The following PPP3CA variants were observed in gnomAD, a reference collection of about 807,000 sequenced individuals.
PPP3CA encodes the protein protein phosphatase 3 catalytic subunit alpha.
In PPP3CA, 14 loss-of-function variants were observed where a neutral mutation model predicts 66.5. That is an observed-to-expected ratio of 0.21 (90% CI 0.14 to 0.33). The LOEUF (loss-of-function observed/expected upper bound fraction) is 0.33. Among genes scored for constraint, PPP3CA ranks in the 10% least tolerant of loss-of-function variants. The pLI is 1.00. For missense variants in PPP3CA, 317 were observed against 639.5 expected, an observed-to-expected ratio of 0.50 and a Z score of 5.44; for synonymous variants, 232 against 226.2, an observed-to-expected ratio of 1.03 and a Z score of -0.23.
intron 2 of PPP3CA, chr4:101,171,361 A>AC (rs2110315527): frequency 5.6e-6 from 2 of 356,492 alleles, no homozygotes; most frequent in East Asian, 7.4e-5. Context: ...AAAAAAAAAA[A>AC]AAAACCCTTC....
At chr4:101,249,731 G>T (rs915183740) in intron 1 of PPP3CA, among the ~76,000 whole-genome samples, 1 of 151,972 alleles carries the variant, frequency 6.6e-6, no homozygotes, top group Non-Finnish European at 1.5e-5. Flanking sequence ...CTTAATATAG[G>T]ACAGAAACCA....
At chr4:101,265,699 C>T (rs1352037719) in intron 1 of PPP3CA, among the ~76,000 whole-genome samples, 1 of 151,972 alleles carries the variant, frequency 6.6e-6, no homozygotes, top group Middle Eastern at 3.2e-3. Context: ...CAAATGATAA[C>T]CCAAATAAAA....
At chr4:101,274,576 C>CATGAG (rs1309804931) in intron 1 of PPP3CA, among the ~76,000 whole-genome samples, 2 of 152,324 alleles carry the variant, frequency 1.3e-5, no homozygotes, top group East Asian at 3.9e-4. Context: ...TCTTATTCAA[C>CATGAG]ATGAGATTCT....
chr4:101,149,376 T>G (rs1014453323), intron 2 of PPP3CA, among the ~76,000 whole-genome samples: 1 of 152,058 alleles, frequency 6.6e-6, no homozygotes, highest in African/African-American at 2.4e-5. Context: ...AATCAGAAAA[T>G]AACAAAAGAA....
At chr4:101,327,635 T>C (rs1441432) in intron 1 of PPP3CA, among the ~76,000 whole-genome samples, 168 of 152,318 alleles carry the variant, frequency 1.1e-3, no homozygotes, top group Non-Finnish European at 1.9e-3. Flanking sequence ...TTACCTGATA[T>C]TTTTTCTATA....
chr4:101,302,069 ATTATGTATACTTT>A (rs1231752541), intron 1 of PPP3CA, among the ~76,000 whole-genome samples: 1 of 152,124 alleles, frequency 6.6e-6, no homozygotes, highest in Non-Finnish European at 1.5e-5. Flanking sequence ...ACTGATAGAG[ATTATGTATACTTT>A]TAAATATTTA....
intron 1 of PPP3CA, among the ~76,000 whole-genome samples, chr4:101,317,296 A>T (rs956464954): frequency 9.9e-5 from 15 of 151,456 alleles, no homozygotes; most frequent in Non-Finnish European, 1.3e-4. Flanking sequence ...ACTCACACAC[A>T]CTGCCCTAAA....
Position 101,278,761 on chromosome 4 carries a change from T to A in PPP3CA, c.58+67978A>T, listed in dbSNP as rs1481338145. Among the ~76,000 whole-genome samples the A allele has an allele frequency of 2.0e-5, 3 of 152,060 alleles. No homozygotes were observed. The East Asian group carries it at 5.8e-4, about 29-fold the overall frequency. On this transcript the variant is annotated intron_variant, in intron 1 of 13. Transcript: ENST00000394854. ...ATAAATTAGAAGTTCACCCTGGTCA[T>A]AAGCACCCCTTCATTCTACACATTC...
At chr4:101,087,720 A>G (rs1434236724) in intron 6 of PPP3CA, among the ~76,000 whole-genome samples, 1 of 152,086 alleles carries the variant, frequency 6.6e-6, no homozygotes, top group Non-Finnish European at 1.5e-5. Context: ...TACTAAATGG[A>G]TATCCGAGTT....
chr4:101,288,857 C>T (rs192474293), intron 1 of PPP3CA, among the ~76,000 whole-genome samples: 1 of 152,208 alleles, frequency 6.6e-6, no homozygotes, highest in Non-Finnish European at 1.5e-5. Flanking sequence ...AAAACACACA[C>T]ACACATATAC....
Position 101,190,757 on chromosome 4 carries a change from C to T in PPP3CA, c.259+5159G>A, listed in dbSNP as rs376178224. 1.4e-4 allele frequency among the ~76,000 whole-genome samples: 22 copies of T among 152,178 alleles called. No individual in the cohort carries two copies. The East Asian group carries it at 4.2e-3, about 29-fold the overall frequency. ...AAAACTACACACATAAACTCTATGT[C>T]CCAAATATGCCAAGCATTCTGTTTC... On this transcript the variant is annotated intron_variant, in intron 2 of 13. Transcript: ENST00000394854.
At chr4:101,279,572 C>T (rs1001658970) in intron 1 of PPP3CA, among the ~76,000 whole-genome samples, 8 of 152,138 alleles carry the variant, frequency 5.3e-5, no homozygotes, top group East Asian at 1.9e-4. Flanking sequence ...TATATAACTG[C>T]GTATTTTGTA....
chr4:101,161,204 G>T (rs1376371679), intron 2 of PPP3CA, among the ~76,000 whole-genome samples: 1 of 152,112 alleles, frequency 6.6e-6, no homozygotes, highest in Non-Finnish European at 1.5e-5. Context: ...AATAGACCCT[G>T]TATCAGCTAT....
chr4:101,185,986 CT>C (rs1328107797), intron 2 of PPP3CA, among the ~76,000 whole-genome samples: 1 of 152,110 alleles, frequency 6.6e-6, no homozygotes, highest in East Asian at 1.9e-4. Context: ...ATATTAGCTC[CT>C]ATCTAAAAAT....
At chr4:101,108,644 T>G (rs1266249094) in intron 3 of PPP3CA, among the ~76,000 whole-genome samples, 1 of 152,044 alleles carries the variant, frequency 6.6e-6, no homozygotes, top group East Asian at 1.9e-4. Flanking sequence ...TGGGCGCGTG[T>G]AATCCCAGCT....
chr4:101,105,621 T>C (rs1730631463), intron 3 of PPP3CA, among the ~76,000 whole-genome samples: 1 of 151,418 alleles, frequency 6.6e-6, no homozygotes, highest in African/African-American at 2.4e-5. Context: ...AACAATAAGA[T>C]TAAAGAATAT....
chr4:101,150,097 AAT>A (rs1166447128), intron 2 of PPP3CA, among the ~76,000 whole-genome samples: 2 of 152,178 alleles, frequency 1.3e-5, no homozygotes, highest in Non-Finnish European at 2.9e-5. Flanking sequence ...GTAGAATGAT[AAT>A]ATACATACTT....
intron 7 of PPP3CA, 33 bp downstream of exon 7, chr4:101,083,153 G>A (rs1283058542): frequency 7.2e-7 from 1 of 1,396,066 alleles, no homozygotes. Flanking sequence ...AATGGACAAT[G>A]CATGGTTTTT....
intron 12 of PPP3CA, 101 bp downstream of exon 12, chr4:101,032,166 G>A (rs1246243256): frequency 3.3e-6 from 3 of 918,358 alleles, no homozygotes; most frequent in Non-Finnish European, 4.6e-6. Flanking sequence ...AAGAAGAACC[G>A]AAGACCAAGA....
Sources: allele counts gnomAD v4.1 joint callset (sites outside exome capture counted in the v4.1 genomes callset), GRCh38; gene constraint gnomAD v4.1.1; transcripts MANE v1.5; gene names NCBI Gene and HGNC (gene_info 2026-07-23, HGNC 2026-07-21).